ANKRD11: variants seen among roughly 807,000 people sequenced by gnomAD.
The protein encoded by ANKRD11 is ankyrin repeat domain 11, also known as ankyrin repeat domain-containing protein 11.
In ANKRD11, 17 loss-of-function variants were observed where a neutral mutation model predicts 195.7. The ratio of observed to expected loss-of-function variants is 0.09; its 90% CI spans 0.06 to 0.13. The LOEUF (loss-of-function observed/expected upper bound fraction) is 0.13. Among genes scored for constraint, ANKRD11 ranks in the 10% least tolerant of loss-of-function variants. The pLI is 1.00. For synonymous variants in ANKRD11, 1,953 were observed against 1,528.1 expected (o/e 1.28, Z -6.49); for missense variants, 3,735 against 3,566.1 (o/e 1.05, Z -1.21).
rs183731203 is a variant in ANKRD11, at chr16:89,327,932, T to A, written c.-59-10854A>T. ...CTTTTGCTCTTTGAAAGACCTAGTTTAAAGAGTGAAAAGACAAACTGCAGA... is the reference window on the plus strand; with the variant it reads ...CTTTTGCTCTTTGAAAGACCTAGTTAAAAGAGTGAAAAGACAAACTGCAGA... On this transcript the variant is annotated intron_variant, in intron 2 of 12. Coordinates refer to ENST00000301030, the MANE Select transcript of ANKRD11 (RefSeq NM_013275.6). Among the ~76,000 whole-genome samples the A allele has an allele frequency of 2.6e-3, 402 of 152,280 alleles. 7 individuals carry two copies. The South Asian group carries it at 0.038, about 14-fold the overall frequency.
At chr16:89,451,196 T>A (rs563307901) in intron 1 of ANKRD11, among the ~76,000 whole-genome samples, 2 of 152,222 alleles carry the variant, frequency 1.3e-5, no homozygotes, top group Non-Finnish European at 2.9e-5. Flanking sequence ...CTCTACAGAC[T>A]AGCCTAACAA....
chr16:89,446,920 C>T (rs1216715855), intron 1 of ANKRD11, among the ~76,000 whole-genome samples: 1 of 149,026 alleles, frequency 6.7e-6, no homozygotes, highest in South Asian at 2.1e-4. Flanking sequence ...CCCTGCAGTT[C>T]CAGGGACAGC....
In ANKRD11 at chr16:89,279,987, C is replaced by G; in HGVS notation, c.6555G>C (p.Glu2185Asp). The change falls in exon 9 of 13, where the codon GAG (glutamate) becomes GAC (aspartate). Residue 2185 changes from glutamate (E) to aspartate (D), a missense_variant. Coordinates refer to ENST00000301030, the MANE Select transcript of ANKRD11 (RefSeq NM_013275.6). The surrounding 1 kb of genome is among the most constrained non-coding windows in gnomAD (Gnocchi z 5.6). Reference sequence around the variant, plus strand: ...GGTCAGGAGGCAGTGCCGGCGGCTCCTCAGCCACTACGGTGGAAACATCCC... The same window carrying G: ...GGTCAGGAGGCAGTGCCGGCGGCTCGTCAGCCACTACGGTGGAAACATCCC... ...NGGDVSTVVAEEPPALPPDQA... is the reference protein window; with the variant it reads ...NGGDVSTVVADEPPALPPDQA... 1 of 1,611,772 alleles carries G rather than the reference C, an allele frequency of 6.2e-7. No homozygotes were observed. The highest frequency in any genetic ancestry group is 8.5e-7 in the Non-Finnish European group (1 of 1,179,922).
At chr16:89,424,464 G>C (rs2042638190) in intron 1 of ANKRD11, among the ~76,000 whole-genome samples, 2 of 150,740 alleles carry the variant, frequency 1.3e-5, no homozygotes. Context: ...GAGAGAGAAA[G>C]AAAAAAGTCT....
chr16:89,426,219 A>C lies in ANKRD11; in HGVS notation c.-144-7851T>G, dbSNP rs574333169. Reference sequence around the variant, plus strand: ...ACAGCTATAACAAAAAAAACAAAGGAAGCTGTAGATCAGAAACTGGGAAAT... The same window carrying C: ...ACAGCTATAACAAAAAAAACAAAGGCAGCTGTAGATCAGAAACTGGGAAAT... On this transcript the variant is annotated intron_variant, in intron 1 of 12. Coordinates refer to ENST00000301030, the MANE Select transcript of ANKRD11 (RefSeq NM_013275.6). Among the ~76,000 whole-genome samples, 19 of 152,290 alleles carry C rather than the reference A, an allele frequency of 1.2e-4. No homozygotes were observed. In the South Asian group the frequency reaches 3.9e-3, roughly 32 times the overall value.
chr16:89,316,924 C>A lies in ANKRD11; in HGVS notation c.87+9G>T. 6.2e-7 allele frequency: 1 copy of A among 1,612,618 alleles called. No homozygotes were observed. The highest frequency in any genetic ancestry group is 8.5e-7 in the Non-Finnish European group (1 of 1,179,486). On this transcript the variant is annotated intron_variant, in intron 3 of 12. Transcript: ENST00000301030. ...GTGAGCATGCAGGGCTGGGAGGGGG[C>A]AGCATTACCTTTTTCCCAGTCTGCT... is the stretch of plus-strand genomic sequence containing the variant.
chr16:89,414,822 C>T (rs912235649), intron 2 of ANKRD11, among the ~76,000 whole-genome samples: 40 of 152,242 alleles, frequency 2.6e-4, no homozygotes, highest in Non-Finnish European at 2.9e-4. Context: ...AGCACAGCAC[C>T]GTGTACTGAA....
At chr16:89,289,688 CA>C (rs1403207657) in intron 6 of ANKRD11, among the ~76,000 whole-genome samples, 1 of 152,188 alleles carries the variant, frequency 6.6e-6, no homozygotes, top group East Asian at 1.9e-4. Flanking sequence ...CAGGTCCCTC[CA>C]GGGGCCTGGA....
chr16:89,334,141 T>TC (rs143546813), intron 2 of ANKRD11, among the ~76,000 whole-genome samples: 72,442 of 115,166 alleles, frequency 0.63, 23,524 homozygotes, highest in Middle Eastern at 0.73. Context: ...AAACCCTGTG[T>TC]TTTAAAAAAA....
chr16:89,443,703 T>G (rs2043637685), intron 1 of ANKRD11, among the ~76,000 whole-genome samples: 1 of 152,190 alleles, frequency 6.6e-6, no homozygotes, highest in Admixed American at 6.5e-5. Flanking sequence ...ATGCAATTCT[T>G]AAGAGCGGGA....
intron 2 of ANKRD11, among the ~76,000 whole-genome samples, chr16:89,338,424 T>TAAAAA (rs397854933): frequency 7.9e-6 from 1 of 127,040 alleles, no homozygotes. Context: ...TACACTCTGT[T>TAAAAA]AAAAAAAAAA....
chr16:89,367,114 T>C (rs1268631160), intron 2 of ANKRD11, among the ~76,000 whole-genome samples: 2 of 152,072 alleles, frequency 1.3e-5, no homozygotes, highest in Non-Finnish European at 2.9e-5. Context: ...CACCGGATAC[T>C]CACTACCTCA....
intron 1 of ANKRD11, among the ~76,000 whole-genome samples, chr16:89,428,857 G>A (rs2042844498): frequency 6.6e-6 from 1 of 152,146 alleles, no homozygotes; most frequent in Non-Finnish European, 1.5e-5. Context: ...TCGTGCCAAT[G>A]CATTATAGCC....
intron 1 of ANKRD11, among the ~76,000 whole-genome samples, chr16:89,439,649 C>A (rs183394447): frequency 9.6e-4 from 146 of 152,164 alleles, no homozygotes; most frequent in African/African-American, 3.0e-3. Context: ...CAAAGAAAAG[C>A]TTGTTCTATT....
At chr16:89,313,803 C>G (rs550193106) in intron 3 of ANKRD11, among the ~76,000 whole-genome samples, 1 of 152,196 alleles carries the variant, frequency 6.6e-6, no homozygotes, top group African/African-American at 2.4e-5. Context: ...CCCAGGCATT[C>G]TATTTCAAGC....
intron 1 of ANKRD11, among the ~76,000 whole-genome samples, chr16:89,468,313 C>A (rs541777501): frequency 6.6e-6 from 1 of 152,182 alleles, no homozygotes; most frequent in East Asian, 1.9e-4. Flanking sequence ...ACACCTGCAA[C>A]GTGAGTGCAG....
At chr16:89,288,761 C>T (rs952079914) in intron 6 of ANKRD11, 91 bp from the exon 7 acceptor site, 9 of 1,589,946 alleles carry the variant, frequency 5.7e-6, no homozygotes, top group South Asian at 1.1e-5. Context: ...TGCTACAGTG[C>T]GGGGACAAGC....
intron 1 of ANKRD11, among the ~76,000 whole-genome samples, chr16:89,439,009 A>G: frequency 6.6e-6 from 1 of 152,142 alleles, no homozygotes; most frequent in East Asian, 1.9e-4. Flanking sequence ...AACAGAAACA[A>G]AAACAAACAA....
intron 2 of ANKRD11, among the ~76,000 whole-genome samples, chr16:89,362,952 G>A (rs932893302): frequency 1.3e-5 from 2 of 151,950 alleles, no homozygotes; most frequent in Non-Finnish European, 2.9e-5. Context: ...GGACACAGCA[G>A]TTGGTATAAA....
Sources: gnomAD v4.1 joint callset for allele counts (sites outside exome capture counted in the v4.1 genomes callset) on GRCh38, gnomAD v4.1.1 for gene constraint, Gnocchi (gnomAD v3.1) non-coding constraint, MANE v1.5 for transcripts, NCBI Gene and HGNC (gene_info 2026-07-23, HGNC 2026-07-21) for gene names.